The following ZFPM2 variants were observed in gnomAD, a reference collection of about 807,000 sequenced individuals.
The protein encoded by ZFPM2 is zinc finger protein ZFPM2.
A neutral mutation model predicts 98.6 loss-of-function variants in ZFPM2; 20 were observed. The ratio of observed to expected loss-of-function variants is 0.20; its 90% CI spans 0.14 to 0.29. The LOEUF is 0.29. ZFPM2 is among the 10% of genes least tolerant of loss of function. ZFPM2 has a pLI of 1.00. For missense variants in ZFPM2, 1,310 were observed against 1,388.6 expected, an observed-to-expected ratio of 0.94 and a Z score of 0.90; for synonymous variants, 518 against 502.7, an observed-to-expected ratio of 1.03 and a Z score of -0.41.
intron 1 of ZFPM2, chr8:105,387,046 C>G (rs1285202565): frequency 1.3e-5 from 2 of 152,554 alleles, no homozygotes; most frequent in African/African-American, 4.8e-5. Flanking sequence ...TATTTACAAT[C>G]CCTTAGCTAG....
chr8:105,342,643 T>A (rs1259488015), intron 1 of ZFPM2, among the ~76,000 whole-genome samples: 1 of 151,178 alleles, frequency 6.6e-6, no homozygotes, highest in Non-Finnish European at 1.5e-5. Context: ...TTAACTTATA[T>A]TTACTTTAAA....
intron 4 of ZFPM2, among the ~76,000 whole-genome samples, chr8:105,577,621 TATC>T (rs1196525421): frequency 6.6e-6 from 1 of 152,006 alleles, no homozygotes; most frequent in Non-Finnish European, 1.5e-5. Context: ...ATTGCAAAAT[TATC>T]ATGAAGATAC....
chr8:105,556,525 A>G (rs988870681), intron 3 of ZFPM2, among the ~76,000 whole-genome samples: 4 of 152,142 alleles, frequency 2.6e-5, no homozygotes, highest in African/African-American at 9.7e-5. Flanking sequence ...CTTGCTAAGG[A>G]TCACATGGCT....
chr8:105,355,294 T>G (rs527592837), intron 1 of ZFPM2, among the ~76,000 whole-genome samples: 10 of 152,330 alleles, frequency 6.6e-5, no homozygotes, highest in African/African-American at 2.4e-4. Flanking sequence ...ACTGTCATTT[T>G]TCATTCTTAT....
chr8:105,343,287 A>G (rs1183180603), intron 1 of ZFPM2, among the ~76,000 whole-genome samples: 1 of 152,144 alleles, frequency 6.6e-6, no homozygotes, highest in Non-Finnish European at 1.5e-5. Context: ...ATGTTCAACA[A>G]TTGACAGGAG....
At chr8:105,319,181 G>A (rs986511067) in intron 1 of ZFPM2, among the ~76,000 whole-genome samples, 200 bp downstream of exon 1, 1 of 152,136 alleles carries the variant, frequency 6.6e-6, no homozygotes, top group African/African-American at 2.4e-5. Flanking sequence ...GCCTCGGGCA[G>A]GAGAGAGGCT....
In ZFPM2 at chr8:105,802,352, A is replaced by C; in HGVS notation, c.2270A>C (p.Gln757Pro). The change falls in exon 8 of 8, where the codon CAG becomes CCG. Residue 757 changes from glutamine to proline, a missense_variant. By Grantham distance (76) the Gln-to-Pro change is moderately conservative. Coordinates refer to ENST00000407775, the MANE Select transcript of ZFPM2 (RefSeq NM_012082.4). The part of the protein sequence containing the change: ...PEQEQRPPLV[Q>P]QRFLDVANLN... ...CAGGAACAAAGGCCTCCACTGGTTC[A>C]GCAGAGATTTCTTGACGTAGCCAAC... 1 of 1,613,876 alleles carries C rather than the reference A, an allele frequency of 6.2e-7. No homozygotes were observed. The highest frequency in any genetic ancestry group is 1.1e-5 in the South Asian group (1 of 91,074).
chr8:105,709,473 C>T lies in ZFPM2; in HGVS notation c.532+75116C>T, dbSNP rs187562588. On this transcript the variant is annotated intron_variant, in intron 5 of 7. Coordinates refer to ENST00000407775, the MANE Select transcript of ZFPM2 (RefSeq NM_012082.4). ...CTAACAGAGCTAAGATTAAGAGGTT[C>T]GTTCACCAGAGATATCTTAGCTCCC... Among the ~76,000 whole-genome samples the T allele has an allele frequency of 3.2e-3, 488 of 152,150 alleles. 2 individuals carry two copies. The highest frequency in any genetic ancestry group is 6.0e-3 in the East Asian group (31 of 5,162).
At chr8:105,380,820 A>ATAATATATATGTTATATATAATAT (rs1810861002) in intron 1 of ZFPM2, among the ~76,000 whole-genome samples, 4 of 76,368 alleles carry the variant, frequency 5.2e-5, no homozygotes, top group Non-Finnish European at 2.2e-5. Flanking sequence ...TAATATATAT[A>ATAATATATATGTTATATATAATAT]ATATATAATA....
intron 3 of ZFPM2, among the ~76,000 whole-genome samples, chr8:105,475,118 T>C (rs1047230990): frequency 6.6e-6 from 1 of 152,216 alleles, no homozygotes; most frequent in Admixed American, 6.5e-5. Context: ...GTTGGTAACA[T>C]ATAACTTAGA....
Position 105,318,924 on chromosome 8 carries a change from G to A in ZFPM2, c.-18G>A. ...CGCGGGCACCGCGGGAGCCCCAGCGGCAGCAGCCGCCGCCGAGATGTCCCG... is the reference window on the plus strand; with the variant it reads ...CGCGGGCACCGCGGGAGCCCCAGCGACAGCAGCCGCCGCCGAGATGTCCCG... On this transcript the variant is annotated 5_prime_UTR_variant, in exon 1 of 8. Transcript: ENST00000407775. 2.1e-6 allele frequency: 3 copies of A among 1,407,842 alleles called. No individual in the cohort carries two copies. Among genetic ancestry groups the A allele is most frequent in the Middle Eastern group, 2.5e-4 (1 of 3,942 alleles). The allele number at this position is 1,407,842 out of a possible 1,614,324, so 87.2% of individuals were successfully genotyped here.
chr8:105,674,621 G>A (rs186614531), intron 5 of ZFPM2, among the ~76,000 whole-genome samples: 2 of 152,208 alleles, frequency 1.3e-5, no homozygotes, highest in East Asian at 3.9e-4. Context: ...TGATGAAGGG[G>A]AAACCACCGA....
chr8:105,348,840 T>C (rs1812587521), intron 1 of ZFPM2, among the ~76,000 whole-genome samples: 1 of 152,180 alleles, frequency 6.6e-6, no homozygotes, highest in Non-Finnish European at 1.5e-5. Context: ...AAATCTGGAA[T>C]TGTTTGATTT....
chr8:105,319,973 A>G (rs1811990061), intron 1 of ZFPM2, among the ~76,000 whole-genome samples: 1 of 152,166 alleles, frequency 6.6e-6, no homozygotes, highest in African/African-American at 2.4e-5. Flanking sequence ...TTTGGCCGAA[A>G]AGAAGAAAAA....
chr8:105,384,911 G>A (rs754964422), intron 1 of ZFPM2, among the ~76,000 whole-genome samples: 7 of 152,060 alleles, frequency 4.6e-5, no homozygotes, highest in Non-Finnish European at 1.0e-4. Flanking sequence ...TGCTCACTGT[G>A]TCCCAAACAC....
intron 1 of ZFPM2, among the ~76,000 whole-genome samples, chr8:105,411,563 G>A (rs981915602): frequency 6.6e-5 from 10 of 151,762 alleles, no homozygotes; most frequent in East Asian, 1.9e-4. Context: ...GCCTTTCATC[G>A]TTCGTACTTA....
chr8:105,552,703 A>G (rs1814889886), intron 3 of ZFPM2, among the ~76,000 whole-genome samples: 2 of 151,984 alleles, frequency 1.3e-5, no homozygotes, highest in African/African-American at 4.8e-5. Flanking sequence ...GAATATGGCA[A>G]TTTCTTTCTC....
chr8:105,335,053 A>G (rs1812303377), intron 1 of ZFPM2, among the ~76,000 whole-genome samples: 1 of 151,830 alleles, frequency 6.6e-6, no homozygotes, highest in African/African-American at 2.4e-5. Flanking sequence ...CCTGATAATT[A>G]TGACAGAGTG....
At chr8:105,321,873 G>A (rs189242141) in intron 1 of ZFPM2, among the ~76,000 whole-genome samples, 32 of 152,114 alleles carry the variant, frequency 2.1e-4, no homozygotes, top group Admixed American at 2.0e-3. Context: ...TTCCTTCTCC[G>A]TTTCCACCAC....
Sources: gnomAD v4.1 joint callset for allele counts (sites outside exome capture counted in the v4.1 genomes callset) on GRCh38, gnomAD v4.1.1 for gene constraint, MANE v1.5 for transcripts, NCBI Gene and HGNC (gene_info 2026-07-23, HGNC 2026-07-21) for gene names.